The following GPC6 variants were observed in gnomAD, a reference collection of about 807,000 sequenced individuals.
GPC6 encodes glypican-6.
A neutral mutation model predicts 55.2 loss-of-function variants in GPC6; 14 were observed. That is an observed-to-expected ratio of 0.25 (90% CI 0.17 to 0.40). GPC6 has a LOEUF of 0.40. Among genes scored for constraint, GPC6 ranks in the 10% least tolerant of loss-of-function variants. The pLI, the probability that GPC6 is intolerant of heterozygous loss-of-function variation, is 1.00. For missense variants in GPC6, 641 were observed against 708.5 expected, an observed-to-expected ratio of 0.90 and a Z score of 1.08; for synonymous variants, 278 against 259.6, an observed-to-expected ratio of 1.07 and a Z score of -0.68.
chr13:93,777,203 G>A (rs1461018443), intron 2 of GPC6, among the ~76,000 whole-genome samples: 1 of 152,160 alleles, frequency 6.6e-6, no homozygotes, highest in Non-Finnish European at 1.5e-5. Context: ...GTTGAAACAG[G>A]CGATCAAGCA....
At chr13:93,612,119 C>T (rs1053712953) in intron 2 of GPC6, among the ~76,000 whole-genome samples, 1 of 152,102 alleles carries the variant, frequency 6.6e-6, no homozygotes, top group Non-Finnish European at 1.5e-5. Flanking sequence ...TATAATACCT[C>T]CCAAAAAATA....
intron 4 of GPC6, among the ~76,000 whole-genome samples, chr13:94,233,579 G>A (rs913021898): frequency 2.6e-5 from 4 of 152,102 alleles, no homozygotes; most frequent in African/African-American, 9.7e-5. Flanking sequence ...TCAGTCCCAC[G>A]AGGGACATGA....
intron 1 of GPC6, among the ~76,000 whole-genome samples, chr13:93,244,609 T>C (rs1876537351): frequency 1.3e-5 from 2 of 152,274 alleles, no homozygotes; most frequent in African/African-American, 4.8e-5. Flanking sequence ...TTCTCCCCAC[T>C]GCTCCCCAAA....
intron 1 of GPC6, among the ~76,000 whole-genome samples, chr13:93,246,880 A>AG (rs1341167074): frequency 6.6e-6 from 1 of 151,398 alleles, no homozygotes; most frequent in African/African-American, 2.4e-5. Context: ...CCTGGAAAAA[A>AG]AAAATTGTCT....
chr13:94,331,678 C>T (rs1414329347), intron 6 of GPC6, among the ~76,000 whole-genome samples: 1 of 152,058 alleles, frequency 6.6e-6, no homozygotes, highest in African/African-American at 2.4e-5. Flanking sequence ...TCATGCATTT[C>T]CAAATAGTAT....
chr13:94,275,960 A>T (rs1260894086), intron 4 of GPC6, among the ~76,000 whole-genome samples: 1 of 152,224 alleles, frequency 6.6e-6, no homozygotes, highest in East Asian at 1.9e-4. Context: ...AAAGAATCAG[A>T]TATTGTCATG....
chr13:93,643,329 T>C (rs1880040496), intron 2 of GPC6, among the ~76,000 whole-genome samples: 2 of 152,080 alleles, frequency 1.3e-5, no homozygotes, highest in South Asian at 4.1e-4. Flanking sequence ...TTCAAAACTT[T>C]ACCTCCTGGC....
chr13:93,406,077 A>G (rs944756639), intron 1 of GPC6, among the ~76,000 whole-genome samples: 6 of 152,198 alleles, frequency 3.9e-5, no homozygotes, highest in African/African-American at 1.4e-4. Context: ...TGTCACTTCT[A>G]CATTCTATTC....
the GPC6 span, among the ~76,000 whole-genome samples, chr13:93,220,400 C>G: frequency 3.9e-5 from 6 of 152,286 alleles, no homozygotes; most frequent in Admixed American, 2.6e-4. Context: ...AAATTTACTG[C>G]TTAGCTACAG....
At chr13:93,875,076 T>C (rs1036345094) in intron 3 of GPC6, among the ~76,000 whole-genome samples, 1 of 151,924 alleles carries the variant, frequency 6.6e-6, no homozygotes, top group African/African-American at 2.4e-5. Flanking sequence ...TTGATTCAAT[T>C]AATAGTGTTG....
At chr13:94,028,952 C>G (rs1883008820) in intron 4 of GPC6, among the ~76,000 whole-genome samples, 1 of 152,196 alleles carries the variant, frequency 6.6e-6, no homozygotes, top group African/African-American at 2.4e-5. Context: ...AAAGTACTTT[C>G]AATTGCATTT....
intron 4 of GPC6, among the ~76,000 whole-genome samples, chr13:94,124,997 A>T (rs1480510406): frequency 3.3e-5 from 5 of 151,556 alleles, no homozygotes; most frequent in South Asian, 2.1e-4. Flanking sequence ...GTAAAAAATA[A>T]TTTTTTTTTA....
At chr13:93,811,110 G>T (rs1886682219) in intron 2 of GPC6, among the ~76,000 whole-genome samples, 1 of 152,186 alleles carries the variant, frequency 6.6e-6, no homozygotes, top group Admixed American at 6.5e-5. Flanking sequence ...TGGTGGATGG[G>T]CACAGATTCA....
At position 94,155,907 on chromosome 13, in the gene GPC6, G is replaced by A. The variant is rs577209443; in HGVS notation, c.877+128013G>A. ...GGTAGAGAGAAAAGAGGCAAGGGAG[G>A]GATCCAGTACTGACTAAGAACACAC... On this transcript the variant is annotated intron_variant, in intron 4 of 8. Transcript: ENST00000377047. Among the ~76,000 whole-genome samples the A allele has an allele frequency of 3.1e-4, 47 of 152,196 alleles. 1 individual carries two copies. The South Asian group carries it at 6.0e-3, about 19-fold the overall frequency.
chr13:93,459,945 A>G (rs1189538133), intron 1 of GPC6, among the ~76,000 whole-genome samples: 2 of 152,190 alleles, frequency 1.3e-5, no homozygotes, highest in Non-Finnish European at 2.9e-5. Flanking sequence ...TGAGTTTTCT[A>G]AATCAATGAC....
intron 6 of GPC6, 29 bp downstream of exon 6, chr13:94,306,152 C>T (rs758422839): frequency 2.0e-5 from 33 of 1,613,002 alleles, no homozygotes; most frequent in African/African-American, 4.0e-5. Flanking sequence ...ATAACCATGG[C>T]GGATGCTTTG....
intron 4 of GPC6, among the ~76,000 whole-genome samples, chr13:94,063,147 C>T (rs1275688310): frequency 6.6e-6 from 1 of 152,172 alleles, no homozygotes; most frequent in East Asian, 1.9e-4. Context: ...ACTGACTCTT[C>T]CAGCTTGCCA....
intron 1 of GPC6, among the ~76,000 whole-genome samples, chr13:93,288,585 C>T (rs1408386738): frequency 6.6e-6 from 1 of 152,088 alleles, no homozygotes; most frequent in African/African-American, 2.4e-5. Context: ...TGAAACTTTT[C>T]TCCAATTTTT....
intron 2 of GPC6, among the ~76,000 whole-genome samples, chr13:93,727,268 G>A (rs1181615264): frequency 6.6e-6 from 1 of 152,072 alleles, no homozygotes; most frequent in Non-Finnish European, 1.5e-5. Context: ...TTCAAATATG[G>A]ACTCTGTTCA....
Sources: gnomAD v4.1 joint callset for allele counts (sites outside exome capture counted in the v4.1 genomes callset) on GRCh38, gnomAD v4.1.1 for gene constraint, MANE v1.5 for transcripts, NCBI Gene and HGNC (gene_info 2026-07-23, HGNC 2026-07-21) for gene names.